TMEFF1: variants seen among roughly 807,000 people sequenced by gnomAD.
TMEFF1 encodes the protein tomoregulin-1.
In TMEFF1, 20 loss-of-function variants were observed where a neutral mutation model predicts 47.5. The observed-to-expected ratio is 0.42, with a 90% confidence interval of 0.30 to 0.61. TMEFF1 has a LOEUF of 0.61. Among genes scored for constraint, TMEFF1 ranks in the 20% least tolerant of loss-of-function variants. TMEFF1 has a pLI of 0.19. For synonymous variants in TMEFF1, 162 were observed against 166.3 expected (o/e 0.97, Z 0.20); for missense variants, 411 against 471.1 (o/e 0.87, Z 1.18).
chr9:100,507,100 A>G (rs1837877627), intron 2 of TMEFF1, among the ~76,000 whole-genome samples: 1 of 152,152 alleles, frequency 6.6e-6, no homozygotes, highest in African/African-American at 2.4e-5. Flanking sequence ...TTTACCTAAC[A>G]CTAATGAGAG....
In TMEFF1 at chr9:100,577,511, T is replaced by G. The variant is rs1235563307; in HGVS notation, c.*911T>G. On this transcript the variant is annotated 3_prime_UTR_variant, in exon 10 of 10. Transcript: ENST00000374879. ...GATCTGAAGTGTGAGTAGAATGTAT[T>G]CAGCTGTTTAACATGTAGTTTAGAT... is the stretch of plus-strand genomic sequence containing the variant. 6.6e-6 allele frequency: 1 copy of G among 152,514 alleles called. No homozygotes were observed. Among genetic ancestry groups the G allele is most frequent in the Non-Finnish European group, 1.5e-5 (1 of 68,050 alleles). The allele number at this position is 152,514 out of a possible 1,614,324, so 9.4% of individuals were successfully genotyped here. A position where few individuals can be genotyped will look rare whatever the true frequency, so the allele number is the denominator to read the frequency against.
intron 5 of TMEFF1, among the ~76,000 whole-genome samples, chr9:100,530,275 C>A (rs1485496401): frequency 6.6e-6 from 1 of 151,976 alleles, no homozygotes; most frequent in Non-Finnish European, 1.5e-5. Flanking sequence ...AAAAACCCTT[C>A]AAAAAATTAA....
intron 5 of TMEFF1, among the ~76,000 whole-genome samples, chr9:100,521,512 A>C (rs558981890): frequency 6.6e-6 from 1 of 152,170 alleles, no homozygotes; most frequent in African/African-American, 2.4e-5. Context: ...CTTTACAGCA[A>C]CTTGTATTTC....
intron 1 of TMEFF1, among the ~76,000 whole-genome samples, chr9:100,495,890 T>C (rs1837642193): frequency 6.6e-6 from 1 of 152,248 alleles, no homozygotes; most frequent in Admixed American, 6.5e-5. Context: ...TTTTTCTTCC[T>C]GTGCTGTTTG....
chr9:100,556,795 A>G (rs1337170782), intron 7 of TMEFF1, among the ~76,000 whole-genome samples: 1 of 151,998 alleles, frequency 6.6e-6, no homozygotes. Context: ...ATCTACTCCT[A>G]TTGCTGAGAT....
intron 1 of TMEFF1, among the ~76,000 whole-genome samples, chr9:100,479,239 T>C (rs745384035): frequency 5.3e-5 from 8 of 152,190 alleles, no homozygotes; most frequent in Non-Finnish European, 1.0e-4. Context: ...AAGGGAAATA[T>C]ATGAGAAGGC....
chr9:100,519,656 T>C (rs1277158396), intron 5 of TMEFF1, among the ~76,000 whole-genome samples: 1 of 122,754 alleles, frequency 8.1e-6, no homozygotes, highest in Non-Finnish European at 1.9e-5. Flanking sequence ...ACTTTTTTTT[T>C]TTTTTTTTTT....
intron 7 of TMEFF1, among the ~76,000 whole-genome samples, chr9:100,558,540 G>A (rs1051934739): frequency 1.3e-5 from 2 of 150,964 alleles, no homozygotes; most frequent in African/African-American, 4.9e-5. Flanking sequence ...CTTCTGCTTG[G>A]ATCACAAGTA....
chr9:100,529,233 A>C (rs1484826685), intron 5 of TMEFF1, among the ~76,000 whole-genome samples: 1 of 145,146 alleles, frequency 6.9e-6, no homozygotes, highest in East Asian at 2.0e-4. Context: ...TCAAATTCAC[A>C]CATAACAATA....
chr9:100,571,646 T>G (rs1473568400), intron 8 of TMEFF1, among the ~76,000 whole-genome samples: 3 of 150,536 alleles, frequency 2.0e-5, no homozygotes, highest in Non-Finnish European at 3.0e-5. Context: ...GACTGGGGAT[T>G]GGGGGTGGGG....
intron 7 of TMEFF1, among the ~76,000 whole-genome samples, chr9:100,560,093 C>A (rs1040730775): frequency 3.3e-5 from 5 of 152,100 alleles, no homozygotes; most frequent in African/African-American, 1.2e-4. Flanking sequence ...ATATAACTCA[C>A]TATTTCATTC....
At chr9:100,491,536 C>G (rs1837552950) in intron 1 of TMEFF1, among the ~76,000 whole-genome samples, 2 of 152,176 alleles carry the variant, frequency 1.3e-5, no homozygotes, top group Non-Finnish European at 2.9e-5. Context: ...GCTCTGAAGA[C>G]TGGAAATAGC....
chr9:100,508,084 A>G (rs1417049225), intron 2 of TMEFF1, among the ~76,000 whole-genome samples: 3 of 152,204 alleles, frequency 2.0e-5, no homozygotes, highest in Non-Finnish European at 4.4e-5. Flanking sequence ...CCTGATTGCT[A>G]GTGAAGATCA....
intron 1 of TMEFF1, among the ~76,000 whole-genome samples, chr9:100,486,618 CAG>C (rs1053650057): frequency 1.3e-5 from 2 of 152,146 alleles, no homozygotes; most frequent in Admixed American, 1.3e-4. Flanking sequence ...GTTCAGAGGT[CAG>C]ATCTCCTTCT....
At position 100,497,893 on chromosome 9, in the gene TMEFF1, A is replaced by G. The variant is rs544786464; in HGVS notation, c.197-872A>G. ...ACTCTCTCTGCTCCCAGACTCATGT[A>G]TTCACCACTACACTGGGATGGTTTT... On this transcript the variant is annotated intron_variant, in intron 1 of 9. Transcript: ENST00000374879. 4.6e-5 allele frequency among the ~76,000 whole-genome samples: 7 copies of G among 150,758 alleles called. No homozygotes were observed. The South Asian group carries it at 1.5e-3, about 32-fold the overall frequency.
intron 5 of TMEFF1, among the ~76,000 whole-genome samples, chr9:100,533,579 T>C (rs1336543798): frequency 6.6e-6 from 1 of 152,180 alleles, no homozygotes; most frequent in Non-Finnish European, 1.5e-5. Flanking sequence ...AACCAACTTT[T>C]GGTTTTACTA....
rs1282646885 is a variant in TMEFF1, at chr9:100,576,780, T to C, written c.*180T>C. 14 of 603,980 alleles carry C rather than the reference T, an allele frequency of 2.3e-5. 1 individual carries two copies. Among genetic ancestry groups the C allele is most frequent in the African/African-American group, 2.3e-4 (12 of 52,620 alleles). 37.4% of individuals were successfully genotyped at this position (603,980 alleles called of 1,614,324 possible). A position where few individuals can be genotyped will look rare whatever the true frequency, so the allele number is the denominator to read the frequency against. ...GGACTGTTTAGTAGTCTTTGTTTTA[T>C]GTTTTTAAATACAGAAATTGCTTTC... On this transcript the variant is annotated 3_prime_UTR_variant, in exon 10 of 10. Coordinates refer to ENST00000374879, the MANE Select transcript of TMEFF1 (RefSeq NM_003692.5).
At chr9:100,477,164 T>C (rs1837249934) in intron 1 of TMEFF1, among the ~76,000 whole-genome samples, 1 of 152,188 alleles carries the variant, frequency 6.6e-6, no homozygotes. Context: ...AGAGCAGTTC[T>C]ATGGCTTCAT....
intron 1 of TMEFF1, among the ~76,000 whole-genome samples, chr9:100,498,196 T>G (rs1264009872): frequency 6.6e-6 from 1 of 152,156 alleles, no homozygotes; most frequent in Non-Finnish European, 1.5e-5. Flanking sequence ...TCTAGTAAGA[T>G]TTTGAATCTC....
Sources: allele counts gnomAD v4.1 joint callset (sites outside exome capture counted in the v4.1 genomes callset), GRCh38; gene constraint gnomAD v4.1.1; transcripts MANE v1.5; gene names NCBI Gene and HGNC (gene_info 2026-07-23, HGNC 2026-07-21).